The following GPC5 variants were observed in gnomAD, a reference collection of about 807,000 sequenced individuals.
GPC5 encodes glypican 5.
A neutral mutation model predicts 53.9 loss-of-function variants in GPC5; 47 were observed. That is an observed-to-expected ratio of 0.87 (90% CI 0.69 to 1.11). The LOEUF (loss-of-function observed/expected upper bound fraction) is 1.11. GPC5 is among the 50% of genes most tolerant of loss of function. The probability of loss-of-function intolerance (pLI) is 0.00; values close to 1 mark genes in which losing one functional copy is unlikely to be tolerated. For missense variants in GPC5, 748 were observed against 713.1 expected (o/e 1.05, Z -0.56); for synonymous variants, 286 against 263.3 (o/e 1.09, Z -0.84).
chr13:91,599,680 T>G (rs946995179), intron 2 of GPC5, among the ~76,000 whole-genome samples: 4 of 152,202 alleles, frequency 2.6e-5, no homozygotes, highest in Non-Finnish European at 5.9e-5. Flanking sequence ...AAAATCCATC[T>G]CATTAATTCA....
chr13:92,843,667 G>T (rs185451172), intron 7 of GPC5, among the ~76,000 whole-genome samples: 8 of 152,092 alleles, frequency 5.3e-5, no homozygotes, highest in African/African-American at 1.9e-4. Context: ...AAAGAGAAAG[G>T]TTTCGTGGTT....
chr13:92,083,336 A>G (rs888118098), intron 6 of GPC5, among the ~76,000 whole-genome samples: 3 of 152,192 alleles, frequency 2.0e-5, no homozygotes, highest in African/African-American at 4.8e-5. Context: ...AGAACCAAAA[A>G]GGCAGTGGGG....
At chr13:92,171,733 G>C (rs1374775338) in intron 7 of GPC5, among the ~76,000 whole-genome samples, 1 of 152,116 alleles carries the variant, frequency 6.6e-6, no homozygotes, top group East Asian at 1.9e-4. Flanking sequence ...CTGAGTGATA[G>C]AAGAATCCTG....
At chr13:92,401,945 G>A (rs1365960775) in intron 7 of GPC5, among the ~76,000 whole-genome samples, 1 of 152,154 alleles carries the variant, frequency 6.6e-6, no homozygotes, top group Non-Finnish European at 1.5e-5. Flanking sequence ...TCCTAGGTTT[G>A]TAGGAAGAAT....
chr13:92,233,653 TTTTA>T (rs900266932), intron 7 of GPC5, among the ~76,000 whole-genome samples: 83 of 152,222 alleles, frequency 5.5e-4, no homozygotes, highest in African/African-American at 1.8e-3. Flanking sequence ...GGATGTTACT[TTTTA>T]TTTATTTATT....
chr13:92,438,383 A>AT (rs1566590536), intron 7 of GPC5, among the ~76,000 whole-genome samples: 143 of 123,722 alleles, frequency 1.2e-3, no homozygotes, highest in Middle Eastern at 4.0e-3. Flanking sequence ...AAGCAAAATA[A>AT]ATATATATAT....
chr13:91,869,539 T>C (rs1026779887), intron 5 of GPC5, among the ~76,000 whole-genome samples: 4 of 152,216 alleles, frequency 2.6e-5, no homozygotes, highest in Non-Finnish European at 5.9e-5. Context: ...TGCTATTCTT[T>C]GAGTAACTTA....
chr13:92,782,395 T>C (rs1172689), intron 7 of GPC5, among the ~76,000 whole-genome samples: 152,005 of 152,230 alleles, frequency 1, 75,890 homozygotes, highest in Middle Eastern at 1. Flanking sequence ...CAGCCCGTGC[T>C]AAGTTCTAGG....
intron 2 of GPC5, among the ~76,000 whole-genome samples, chr13:91,503,817 A>ATCATCATC (rs1884793710): frequency 7.3e-4 from 107 of 147,420 alleles, no homozygotes; most frequent in African/African-American, 2.5e-3. Flanking sequence ...TAATAATAAT[A>ATCATCATC]ATCAGGCTGT....
At position 92,489,860 on chromosome 13, in the gene GPC5, G is replaced by A. The variant is rs74107293; in HGVS notation, c.1561+344871G>A. Among the ~76,000 whole-genome samples, 935 of 135,594 alleles carry A rather than the reference G, an allele frequency of 6.9e-3. 15 individuals carry two copies. Among genetic ancestry groups the A allele is most frequent in the African/African-American group, 0.024 (896 of 37,994 alleles). The allele number at this position is 135,594 out of a possible 152,430, so 89.0% of individuals were successfully genotyped here. ...GTTGAATGTAAAAAACAAAAAATAT[G>A]GTCATATTGCAAACAGAAAAAAAAA... On this transcript the variant is annotated intron_variant, in intron 7 of 7. Coordinates refer to ENST00000377067, the MANE Select transcript of GPC5 (RefSeq NM_004466.6).
rs76906416 is a variant in GPC5, at chr13:92,495,166, A to G, written c.1561+350177A>G. On this transcript the variant is annotated intron_variant, in intron 7 of 7. Coordinates refer to ENST00000377067, the MANE Select transcript of GPC5 (RefSeq NM_004466.6). ...CGCTGAAAATAATATTACATTGCCA[A>G]TGTCATTATGGACATAAGAAAATCT... 9.0e-3 allele frequency among the ~76,000 whole-genome samples: 1,377 copies of G among 152,328 alleles called. 22 individuals are homozygous for G. Among genetic ancestry groups the G allele is most frequent in the African/African-American group, 0.032 (1,315 of 41,576 alleles).
At chr13:91,656,287 T>C (rs1566586014) in intron 2 of GPC5, among the ~76,000 whole-genome samples, 1 of 152,194 alleles carries the variant, frequency 6.6e-6, no homozygotes, top group African/African-American at 2.4e-5. Context: ...AATAGCCATA[T>C]TGGCATCATG....
chr13:92,229,526 G>T (rs1244661571), intron 7 of GPC5, among the ~76,000 whole-genome samples: 1 of 152,154 alleles, frequency 6.6e-6, no homozygotes. Flanking sequence ...AGAAAGGAAA[G>T]CTGAAATGAA....
At chr13:91,876,961 T>C (rs2039209488) in intron 5 of GPC5, among the ~76,000 whole-genome samples, 1 of 151,924 alleles carries the variant, frequency 6.6e-6, no homozygotes, top group Non-Finnish European at 1.5e-5. Context: ...CCAGCCATGG[T>C]TGAAAGGAGC....
intron 4 of GPC5, among the ~76,000 whole-genome samples, chr13:91,734,932 C>G (rs1318710586): frequency 2.7e-5 from 4 of 150,342 alleles, no homozygotes; most frequent in Non-Finnish European, 4.4e-5. Flanking sequence ...GGGTTTTCTA[C>G]TAGATTTTTT....
At chr13:92,022,403 T>A (rs2138792587) in intron 6 of GPC5, among the ~76,000 whole-genome samples, 1 of 152,238 alleles carries the variant, frequency 6.6e-6, no homozygotes, top group East Asian at 1.9e-4. Context: ...ATGAATAGAC[T>A]GGGAATAGTT....
intron 7 of GPC5, among the ~76,000 whole-genome samples, chr13:92,175,929 T>C (rs2139028685): frequency 6.6e-6 from 1 of 152,296 alleles, no homozygotes; most frequent in East Asian, 1.9e-4. Flanking sequence ...TCCTGGAAGC[T>C]CTGTTCCTAC....
chr13:92,597,806 A>G (rs1883928063), intron 7 of GPC5, among the ~76,000 whole-genome samples: 1 of 152,230 alleles, frequency 6.6e-6, no homozygotes, highest in Non-Finnish European at 1.5e-5. Flanking sequence ...TGCCTAAAAT[A>G]CTTTTTACTG....
chr13:92,199,274 C>T (rs1400595289), intron 7 of GPC5, among the ~76,000 whole-genome samples: 1 of 152,160 alleles, frequency 6.6e-6, no homozygotes, highest in Admixed American at 6.5e-5. Flanking sequence ...CTTTCAGTCT[C>T]CACAATCAGC....
Sources: gnomAD v4.1 joint callset for allele counts (sites outside exome capture counted in the v4.1 genomes callset) on GRCh38, gnomAD v4.1.1 for gene constraint, MANE v1.5 for transcripts, NCBI Gene and HGNC (gene_info 2026-07-23, HGNC 2026-07-21) for gene names.